SMIM14: variants seen among roughly 807,000 people sequenced by gnomAD.
The protein encoded by SMIM14 is chromosome 4 open reading frame 34.
In SMIM14, 5 loss-of-function variants were observed where a neutral mutation model predicts 12.6. The observed-to-expected ratio is 0.40, with a 90% CI of 0.21 to 0.83. SMIM14 has a LOEUF of 0.83. Ranked by LOEUF, SMIM14 falls within the 40% of genes least tolerant of loss-of-function variation. The pLI, the probability that SMIM14 is intolerant of heterozygous loss-of-function variation, is 0.37. For synonymous variants in SMIM14, 30 were observed against 40.1 expected (o/e 0.75, Z 0.95); for missense variants, 86 against 119.1 (o/e 0.72, Z 1.29).
At position 39,551,125 on chromosome 4, in the gene SMIM14, G is replaced by C. The variant is rs1711681336; in HGVS notation, c.*1001C>G. 6.6e-6 allele frequency: 1 copy of C among 152,042 alleles called. No individual in the cohort carries two copies. Among genetic ancestry groups the C allele is most frequent in the Non-Finnish European group, 1.5e-5 (1 of 68,044 alleles). The allele number at this position is 152,042 out of a possible 1,614,324, so 9.4% of individuals were successfully genotyped here. A position where few individuals can be genotyped will look rare whatever the true frequency, so the allele number is the denominator to read the frequency against. The stretch of plus-strand genomic sequence containing the variant: ...AGGGTTTCACCATGTTGGCCAGGCT[G>C]GTCTCGAACTCCTGACCTCAAGTGA... On this transcript the variant is annotated 3_prime_UTR_variant, in exon 5 of 5. Coordinates refer to ENST00000295958, the MANE Select transcript of SMIM14 (RefSeq NM_174921.3).
At chr4:39,637,669 C>A (rs956934386) in intron 1 of SMIM14, among the ~76,000 whole-genome samples, 5 of 151,960 alleles carry the variant, frequency 3.3e-5, no homozygotes, top group Non-Finnish European at 2.9e-5. Context: ...CCGCGGAGAG[C>A]GGCAAGTTCG....
chr4:39,603,974 G>A (rs1255494782), intron 2 of SMIM14, among the ~76,000 whole-genome samples: 2 of 148,238 alleles, frequency 1.3e-5, no homozygotes, highest in Admixed American at 6.8e-5. Context: ...TCGCACCACC[G>A]CATTCCAGCC....
intron 1 of SMIM14, 63 bp downstream of exon 1, chr4:39,638,676 G>A (rs1242493605): frequency 4.1e-6 from 4 of 983,876 alleles, no homozygotes; most frequent in Non-Finnish European, 4.8e-6. Flanking sequence ...GAGCCCCCAG[G>A]AAAAACTGGG....
chr4:39,572,171 T>C lies in SMIM14; in HGVS notation c.124+244A>G, dbSNP rs966368537. ...CAGGGTTTTTGAGGCATGAAAAAAA[T>C]TTTAAGTTAAAAAATGAAATAGTCA... is the stretch of plus-strand genomic sequence containing the variant. On this transcript the variant is annotated intron_variant, in intron 3 of 4. Coordinates refer to ENST00000295958, the MANE Select transcript of SMIM14 (RefSeq NM_174921.3). Among the ~76,000 whole-genome samples, 3 of 151,804 alleles carry C rather than the reference T, an allele frequency of 2.0e-5. No homozygotes were observed. The East Asian group carries it at 5.8e-4, about 29-fold the overall frequency.
At chr4:39,585,583 C>G (rs1713746182) in intron 2 of SMIM14, among the ~76,000 whole-genome samples, 1 of 152,034 alleles carries the variant, frequency 6.6e-6, no homozygotes, top group South Asian at 2.1e-4. Context: ...AGGCATGAGC[C>G]ACTGCGCCCA....
chr4:39,557,045 C>T (rs1178706016), intron 3 of SMIM14, among the ~76,000 whole-genome samples: 1 of 143,560 alleles, frequency 7.0e-6, no homozygotes, highest in East Asian at 2.1e-4. Flanking sequence ...GATGGAGTCT[C>T]ACTCTGTTGC....
chr4:39,619,876 A>ATTT lies in SMIM14; in HGVS notation c.-35-14699_-35-14697dup, dbSNP rs368919092. Among the ~76,000 whole-genome samples the ATTT allele has an allele frequency of 3.6e-3, 418 of 115,852 alleles. 6 individuals carry two copies. Among genetic ancestry groups the ATTT allele is most frequent in the African/African-American group, 0.011 (332 of 29,116 alleles). 76.0% of individuals were successfully genotyped at this position (115,852 alleles called of 152,430 possible). On this transcript the variant is annotated intron_variant, in intron 1 of 4. Transcript: ENST00000295958. ...TATATATATTTATATATATATATAT[A>ATTT]TTTTTTTTTTTTTAAGAGCAAGATA... is the stretch of plus-strand genomic sequence containing the variant.
At chr4:39,583,736 C>T (rs898572983) in intron 2 of SMIM14, among the ~76,000 whole-genome samples, 1 of 152,050 alleles carries the variant, frequency 6.6e-6, no homozygotes, top group African/African-American at 2.4e-5. Context: ...TATATGATGG[C>T]ACAGATTTTA....
intron 2 of SMIM14, among the ~76,000 whole-genome samples, chr4:39,579,143 T>C (rs1713361810): frequency 6.6e-6 from 1 of 151,708 alleles, no homozygotes; most frequent in African/African-American, 2.4e-5. Context: ...GTGCAGTGGC[T>C]CATCCCTGTA....
chr4:39,582,275 C>CT (rs1713547901), intron 2 of SMIM14, among the ~76,000 whole-genome samples: 2 of 152,198 alleles, frequency 1.3e-5, no homozygotes, highest in Non-Finnish European at 2.9e-5. Flanking sequence ...TCTGTGTTGT[C>CT]TGGCTTCCCC....
chr4:39,572,534 C>A (rs1215519159), intron 2 of SMIM14, 71 bp from the exon 3 acceptor site: 11 of 1,362,648 alleles, frequency 8.1e-6, no homozygotes, highest in African/African-American at 1.4e-5. Context: ...TTAGAAAGAT[C>A]ATGTTTTGGC....
In SMIM14 at chr4:39,547,904, T is replaced by A. The variant is rs774624888; in HGVS notation, c.*4222A>T. On this transcript the variant is annotated 3_prime_UTR_variant, in exon 5 of 5. Coordinates refer to ENST00000295958, the MANE Select transcript of SMIM14 (RefSeq NM_174921.3). ...GATAACATGAAAAAAATGAAAAACA[T>A]CTTTTTTTTTTTTTTTTTGAGACGG... is the stretch of plus-strand genomic sequence containing the variant. The A allele has an allele frequency of 2.1e-4, 30 of 140,192 alleles. No individual in the cohort carries two copies. Among genetic ancestry groups the A allele is most frequent in the African/African-American group, 7.9e-4 (28 of 35,408 alleles). 8.7% of individuals were successfully genotyped at this position (140,192 alleles called of 1,614,324 possible).
At chr4:39,575,083 T>TTG (rs1325412596) in intron 2 of SMIM14, among the ~76,000 whole-genome samples, 1 of 148,956 alleles carries the variant, frequency 6.7e-6, no homozygotes, top group East Asian at 1.9e-4. Flanking sequence ...AAAATAGTTT[T>TTG]TTTTTTTTTT....
intron 3 of SMIM14, among the ~76,000 whole-genome samples, chr4:39,571,623 A>C (rs1712895309): frequency 6.6e-6 from 1 of 152,056 alleles, no homozygotes; most frequent in Admixed American, 6.6e-5. Flanking sequence ...AAGAATTCTC[A>C]AGCCTGCCAA....
At chr4:39,592,222 T>C (rs1714140440) in intron 2 of SMIM14, among the ~76,000 whole-genome samples, 2 of 149,864 alleles carry the variant, frequency 1.3e-5, no homozygotes, top group Admixed American at 6.7e-5. Context: ...AAAATATAGA[T>C]AGATAGACAG....
In SMIM14 at chr4:39,619,744, ATATAATT is replaced by A. The variant is rs1355895545; in HGVS notation, c.-35-14571_-35-14565del. ...TAAATATAATTATATATATCAATAA[ATATAATT>A]TATTATATATATATCAATAAATAAT... On this transcript the variant is annotated intron_variant, in intron 1 of 4. Transcript: ENST00000295958. 1.5e-3 allele frequency among the ~76,000 whole-genome samples: 150 copies of A among 96,794 alleles called. 2 individuals carry two copies. Among genetic ancestry groups the A allele is most frequent in the African/African-American group, 5.5e-3 (141 of 25,446 alleles). The allele number at this position is 96,794 out of a possible 152,430, so 63.5% of individuals were successfully genotyped here.
chr4:39,563,106 G>C (rs140372085), intron 3 of SMIM14, among the ~76,000 whole-genome samples: 3 of 151,950 alleles, frequency 2.0e-5, no homozygotes, highest in African/African-American at 4.8e-5. Flanking sequence ...TGCTGGCCAG[G>C]CTGGAGTGCA....
chr4:39,579,410 C>CAAAAAAAAAAAAA (rs11300565), intron 2 of SMIM14, among the ~76,000 whole-genome samples: 1 of 102,232 alleles, frequency 9.8e-6, no homozygotes, highest in African/African-American at 3.6e-5. Context: ...ACAGTGCCTC[C>CAAAAAAAAAAAAA]AAAAAAAAAA....
chr4:39,583,927 T>C (rs1713646259), intron 2 of SMIM14: 2 of 152,244 alleles, frequency 1.3e-5, no homozygotes, highest in South Asian at 4.1e-4. Flanking sequence ...AAATACATTC[T>C]TACACACCTG....
Sources: allele counts gnomAD v4.1 joint callset (sites outside exome capture counted in the v4.1 genomes callset), GRCh38; gene constraint gnomAD v4.1.1; transcripts MANE v1.5; gene names NCBI Gene and HGNC (gene_info 2026-07-23, HGNC 2026-07-21).